GRID1: variants seen among roughly 807,000 people sequenced by gnomAD.
The protein encoded by GRID1 is glutamate receptor ionotropic, delta-1.
GRID1 carries 28 observed loss-of-function variants against 98.0 expected under a neutral mutation model. The observed-to-expected ratio is 0.29, with a 90% CI of 0.21 to 0.39. GRID1 has a LOEUF of 0.39. GRID1 is among the 10% of genes least tolerant of loss of function. GRID1 has a pLI of 1.00. For synonymous variants in GRID1, 553 were observed against 538.5 expected, an observed-to-expected ratio of 1.03 and a Z score of -0.37; for missense variants, 1,111 against 1,340.5, an observed-to-expected ratio of 0.83 and a Z score of 2.67.
chr10:85,822,809 T>C (rs12774771), intron 8 of GRID1, among the ~76,000 whole-genome samples: 44,170 of 151,928 alleles, frequency 0.29, 6,641 homozygotes, highest in South Asian at 0.35. Flanking sequence ...CAATGATAGA[T>C]TGGATTAAGA....
chr10:85,865,954 T>TA (rs1554836202), intron 6 of GRID1, among the ~76,000 whole-genome samples: 2 of 54,522 alleles, frequency 3.7e-5, no homozygotes, highest in African/African-American at 7.7e-5. Context: ...CACATATATA[T>TA]GGAGAGAGAG....
Position 85,743,114 on chromosome 10 carries a change from C to CCCCG in GRID1, c.1234-13501_1234-13500insCGGG, listed in dbSNP as rs746066592. ...AGGATAGAATTATGCAGCCCCCCCC[C>CCCCG]CCACCACCCATTGAGAACCAATTAT... On this transcript the variant is annotated intron_variant, in intron 8 of 15. Coordinates refer to ENST00000327946, the MANE Select transcript of GRID1 (RefSeq NM_017551.3). Among the ~76,000 whole-genome samples, 525 of 134,462 alleles carry CCCCG rather than the reference C, an allele frequency of 3.9e-3. 18 individuals carry two copies. The highest frequency in any genetic ancestry group is 0.011 in the Middle Eastern group (3 of 274). 88.2% of individuals were successfully genotyped at this position (134,462 alleles called of 152,430 possible). A position where few individuals can be genotyped will look rare whatever the true frequency, so the allele number is the denominator to read the frequency against.
At chr10:85,859,796 A>G (rs756320738) in intron 6 of GRID1, among the ~76,000 whole-genome samples, 1 of 152,212 alleles carries the variant, frequency 6.6e-6, no homozygotes, top group Non-Finnish European at 1.5e-5. Context: ...TACTTTGTGC[A>G]AACTGACTTT....
intron 2 of GRID1, among the ~76,000 whole-genome samples, chr10:86,275,750 T>C (rs7475639): frequency 0.51 from 77,951 of 151,684 alleles, 23,832 homozygotes; most frequent in Non-Finnish European, 0.67. Flanking sequence ...AAGAGAAAGA[T>C]GAAAAGTGAA....
chr10:86,163,727 G>A (rs537545871), intron 3 of GRID1, among the ~76,000 whole-genome samples: 1 of 152,332 alleles, frequency 6.6e-6, no homozygotes, highest in East Asian at 1.9e-4. Context: ...CTGTGTGGGA[G>A]GCCTGGGTCA....
intron 13 of GRID1, among the ~76,000 whole-genome samples, chr10:85,633,301 C>T (rs1386818825): frequency 2.6e-5 from 4 of 152,090 alleles, no homozygotes; most frequent in Admixed American, 6.5e-5. Context: ...TATTCAGGAG[C>T]CCATTAATTT....
Position 85,933,624 on chromosome 10 carries a change from G to C in GRID1, c.727-17385C>G, listed in dbSNP as rs2131834049. Among the ~76,000 whole-genome samples, 2 of 152,290 alleles carry C rather than the reference G, an allele frequency of 1.3e-5. 1 individual carries two copies. The highest frequency in any genetic ancestry group is 4.1e-4 in the South Asian group (2 of 4,824). ...GCTGTGTGTTCTTTGGAATCAAGCA[G>C]TGAAACAGACACAACTTCATAGAGA... On this transcript the variant is annotated intron_variant, in intron 4 of 15. Transcript: ENST00000327946.
intron 13 of GRID1, among the ~76,000 whole-genome samples, chr10:85,634,249 CCTCTCTCTCTCTCT>C (rs775506130): frequency 7.6e-4 from 70 of 92,378 alleles, no homozygotes; most frequent in African/African-American, 2.3e-3. Context: ...TGATGGGGCA[CCTCTCTCTCTCTCT>C]CTCTCTCTCT....
chr10:85,823,688 A>G (rs1466756849), intron 8 of GRID1, among the ~76,000 whole-genome samples: 1 of 152,118 alleles, frequency 6.6e-6, no homozygotes, highest in Admixed American at 6.5e-5. Context: ...ATATCTAAAT[A>G]CAGTAAGACT....
intron 3 of GRID1, among the ~76,000 whole-genome samples, chr10:86,152,331 G>A (rs755081780): frequency 1.3e-5 from 2 of 152,204 alleles, no homozygotes; most frequent in Non-Finnish European, 2.9e-5. Context: ...TGGCATTTCT[G>A]GGCAGGAGGG....
intron 2 of GRID1, among the ~76,000 whole-genome samples, chr10:86,360,180 G>A (rs1455387723): frequency 6.6e-6 from 1 of 151,862 alleles, no homozygotes; most frequent in African/African-American, 2.4e-5. Flanking sequence ...AAAAAAAAAA[G>A]TTTTGAATAT....
intron 4 of GRID1, among the ~76,000 whole-genome samples, chr10:86,087,510 C>G (rs77209436): frequency 7.7e-4 from 108 of 140,948 alleles, no homozygotes; most frequent in African/African-American, 2.1e-3. Flanking sequence ...GTGTGTGTGT[C>G]TGTGTGTGTG....
chr10:86,073,639 A>G (rs1467740734), intron 4 of GRID1, among the ~76,000 whole-genome samples: 1 of 152,214 alleles, frequency 6.6e-6, no homozygotes, highest in Non-Finnish European at 1.5e-5. Flanking sequence ...AGGGACAACT[A>G]AGGGCACTCT....
chr10:86,331,739 G>C (rs12246680), intron 2 of GRID1, among the ~76,000 whole-genome samples: 2,074 of 152,318 alleles, frequency 0.014, 53 homozygotes, highest in African/African-American at 0.048. Context: ...AAGTGTCTGA[G>C]TTTCCATTTC....
chr10:85,629,731 C>T (rs1842954840), intron 13 of GRID1, among the ~76,000 whole-genome samples: 2 of 151,996 alleles, frequency 1.3e-5, no homozygotes, highest in African/African-American at 4.8e-5. Context: ...TGAATAGATA[C>T]CCAGTAGTGA....
intron 4 of GRID1, among the ~76,000 whole-genome samples, chr10:86,013,410 T>C (rs1414686841): frequency 6.6e-6 from 1 of 152,194 alleles, no homozygotes; most frequent in Non-Finnish European, 1.5e-5. Context: ...ATACAAAAAG[T>C]AATGAGTTAT....
chr10:85,723,691 G>A (rs554391613), intron 11 of GRID1, among the ~76,000 whole-genome samples: 1 of 152,260 alleles, frequency 6.6e-6, no homozygotes, highest in South Asian at 2.1e-4. Flanking sequence ...CAGGGCATGA[G>A]ACTTTTAGTT....
At chr10:85,815,988 T>TA (rs906426056) in intron 8 of GRID1, among the ~76,000 whole-genome samples, 8 of 152,020 alleles carry the variant, frequency 5.3e-5, no homozygotes, top group East Asian at 1.9e-4. Flanking sequence ...TGGCTAAATT[T>TA]AAAAAAATAT....
In GRID1 at chr10:86,059,889, A is replaced by G. The variant is rs192745809; in HGVS notation, c.726+78930T>C. Among the ~76,000 whole-genome samples, 108 of 152,266 alleles carry G rather than the reference A, an allele frequency of 7.1e-4. 1 individual carries two copies. In the East Asian group the frequency reaches 0.016, roughly 23 times the overall value. On this transcript the variant is annotated intron_variant, in intron 4 of 15. Transcript: ENST00000327946. ...ATATATACCTAAAGAAAAAAATGAA[A>G]ATAAAAAAAACACTCTCCTAATATT...
Sources: allele counts gnomAD v4.1 joint callset (sites outside exome capture counted in the v4.1 genomes callset), GRCh38; gene constraint gnomAD v4.1.1; transcripts MANE v1.5; gene names NCBI Gene and HGNC (gene_info 2026-07-23, HGNC 2026-07-21).